PCDHA10: variants seen among roughly 807,000 people sequenced by gnomAD.
PCDHA10 encodes protocadherin alpha-10.
In PCDHA10, 45 loss-of-function variants were observed where a neutral mutation model predicts 61.2. The observed-to-expected ratio is 0.74, with a 90% CI of 0.58 to 0.94. The LOEUF is 0.94. Among genes scored for constraint, PCDHA10 ranks in the 40% least tolerant of loss-of-function variants. The pLI is 0.00. For missense variants in PCDHA10, 1,278 were observed against 1,236.2 expected, an observed-to-expected ratio of 1.03 and a Z score of -0.51; for synonymous variants, 602 against 548.8, an observed-to-expected ratio of 1.10 and a Z score of -1.35.
Position 140,856,911 on chromosome 5 carries a change from T to C in PCDHA10, c.863T>C (p.Ile288Thr). Residue 288 changes from isoleucine to threonine, a missense_variant, in exon 1 of 4, where the codon ATA becomes ACA. By Grantham distance (89) the Ile-to-Thr change is moderately conservative. Coordinates refer to ENST00000307360, the MANE Select transcript of PCDHA10 (RefSeq NM_018901.4). Reference protein sequence around the residue: ...YSFSSLVPPTIRRKFWINERT... With the variant: ...YSFSSLVPPTTRRKFWINERT... ...TTTAGCTCTTTGGTCCCACCCACGA[T>C]AAGAAGGAAATTTTGGATAAACGAA... 1.3e-6 allele frequency: 2 copies of C among 1,595,928 alleles called. No individual in the cohort carries two copies. The highest frequency in any genetic ancestry group is 2.2e-5 in the South Asian group (2 of 90,520).
intron 1 of PCDHA10, among the ~76,000 whole-genome samples, chr5:140,918,149 A>G (rs2078550151): frequency 1.3e-5 from 2 of 151,946 alleles, no homozygotes; most frequent in African/African-American, 4.8e-5. Flanking sequence ...CTTTTTGTGT[A>G]TGTCTATTGT....
chr5:140,917,396 G>C (rs928504202), intron 1 of PCDHA10, among the ~76,000 whole-genome samples: 2 of 151,286 alleles, frequency 1.3e-5, no homozygotes, highest in East Asian at 3.9e-4. Flanking sequence ...ATGTGCAGAA[G>C]CTCTTTAGTT....
chr5:140,935,108 A>G (rs1181696268), intron 1 of PCDHA10, among the ~76,000 whole-genome samples: 3 of 152,148 alleles, frequency 2.0e-5, no homozygotes, highest in Non-Finnish European at 4.4e-5. Context: ...TTTTTCAAAG[A>G]GCTTTCACTT....
chr5:140,927,045 C>G, intron 1 of PCDHA10: 1 of 1,612,254 alleles, frequency 6.2e-7, no homozygotes, highest in Non-Finnish European at 8.5e-7. Context: ...CCGCTATGTC[C>G]TCGCGGAACT....
At chr5:140,965,973 G>A (rs1234636252) in intron 1 of PCDHA10, among the ~76,000 whole-genome samples, 6 of 152,194 alleles carry the variant, frequency 3.9e-5, no homozygotes, top group African/African-American at 1.4e-4. Flanking sequence ...TGCCCTAGGA[G>A]TTGAGCACTT....
chr5:140,870,572 C>T (rs782477275), intron 1 of PCDHA10: 1 of 1,613,946 alleles, frequency 6.2e-7, no homozygotes, highest in Non-Finnish European at 8.5e-7. Context: ...GCGCTGGTGT[C>T]CTACTCGCTG....
intron 1 of PCDHA10, among the ~76,000 whole-genome samples, chr5:140,952,097 G>A (rs1385693579): frequency 1.3e-5 from 2 of 152,066 alleles, no homozygotes; most frequent in East Asian, 3.9e-4. Context: ...CACATCCAGG[G>A]CACACTCGTG....
At chr5:140,876,298 G>T (rs1469744425) in intron 1 of PCDHA10, 3 of 1,613,970 alleles carry the variant, frequency 1.9e-6, no homozygotes, top group Non-Finnish European at 1.7e-6. Context: ...ACTTAATGGA[G>T]AAATTTCCTA....
intron 1 of PCDHA10, chr5:140,862,563 C>T: frequency 2.1e-6 from 1 of 476,978 alleles, no homozygotes; most frequent in Non-Finnish European, 4.3e-6. Context: ...CAGTGAACCA[C>T]AATGCCCTGG....
chr5:140,962,708 A>G (rs982426662), intron 1 of PCDHA10, among the ~76,000 whole-genome samples: 1 of 152,240 alleles, frequency 6.6e-6, no homozygotes, highest in African/African-American at 2.4e-5. Context: ...CTATAATCAT[A>G]TTGGAAAGTA....
chr5:140,882,886 G>C, intron 1 of PCDHA10: 1 of 1,614,200 alleles, frequency 6.2e-7, no homozygotes, highest in Non-Finnish European at 8.5e-7. Context: ...AGGAAATTCA[G>C]GAACATAGTT....
chr5:140,998,158 T>C (rs1306702034), intron 3 of PCDHA10, among the ~76,000 whole-genome samples: 1 of 152,232 alleles, frequency 6.6e-6, no homozygotes, highest in Non-Finnish European at 1.5e-5. Context: ...AGTTAAGCCA[T>C]GTGCCAAGTA....
intron 1 of PCDHA10, among the ~76,000 whole-genome samples, chr5:140,879,982 T>A (rs1554171120): frequency 1.3e-5 from 2 of 152,226 alleles, no homozygotes; most frequent in Non-Finnish European, 2.9e-5. Context: ...CCTTTCAAGA[T>A]CCTTAACTTA....
intron 1 of PCDHA10, among the ~76,000 whole-genome samples, chr5:140,938,027 T>C (rs1372788447): frequency 6.6e-6 from 1 of 152,220 alleles, no homozygotes; most frequent in Non-Finnish European, 1.5e-5. Flanking sequence ...TAAAATCTCA[T>C]ATTTTTATAT....
chr5:140,937,160 C>T lies in PCDHA10; in HGVS notation c.2389-41789C>T, dbSNP rs767846084. Among the ~76,000 whole-genome samples the T allele has an allele frequency of 1.0e-3, 155 of 151,762 alleles. 1 individual carries two copies. Among genetic ancestry groups the T allele is most frequent in the Admixed American group, 4.7e-3 (71 of 15,248 alleles). ...TCATGCCATTCTCCTGCCTCAGCCT[C>T]CCGAGTAGCTGGGACTACAGGCGCC... On this transcript the variant is annotated intron_variant, in intron 1 of 3. Coordinates refer to ENST00000307360, the MANE Select transcript of PCDHA10 (RefSeq NM_018901.4).
chr5:140,883,393 C>G, intron 1 of PCDHA10: 1 of 1,614,160 alleles, frequency 6.2e-7, no homozygotes, highest in South Asian at 1.1e-5. Context: ...TCAGTGTGTC[C>G]GATCGTGACT....
chr5:140,926,958 C>G (rs782614627), intron 1 of PCDHA10: 3 of 1,603,116 alleles, frequency 1.9e-6, no homozygotes, highest in Admixed American at 1.7e-5. Context: ...CGGGACAGCT[C>G]GAGTACTCAG....
intron 1 of PCDHA10, chr5:140,863,426 T>C: frequency 1.5e-6 from 1 of 661,760 alleles, no homozygotes; most frequent in Non-Finnish European, 2.7e-6. Context: ...CGCAGCGTAG[T>C]GGGATCTGGT....
chr5:140,874,124 TTTAAG>T (rs373641315), intron 1 of PCDHA10, among the ~76,000 whole-genome samples: 322 of 152,384 alleles, frequency 2.1e-3, no homozygotes, highest in African/African-American at 7.5e-3. Context: ...TTATAGTTTA[TTTAAG>T]TTATCTTATA....
Sources: gnomAD v4.1 joint callset for allele counts (sites outside exome capture counted in the v4.1 genomes callset) on GRCh38, gnomAD v4.1.1 for gene constraint, MANE v1.5 for transcripts, NCBI Gene and HGNC (gene_info 2026-07-23, HGNC 2026-07-21) for gene names.